The following S100Z variants were observed in gnomAD, a reference collection of about 807,000 sequenced individuals.
S100Z encodes the protein S100 calcium binding protein Z.
Under a neutral mutation model 8.5 loss-of-function variants are expected in S100Z, and 11 were observed. The observed-to-expected ratio is 1.30, with a 90% CI of 0.82 to 2.15. S100Z has a LOEUF of 2.15. Among genes scored for constraint, S100Z ranks in the 30% most tolerant of loss-of-function variants. S100Z has a pLI of 0.00. For missense variants in S100Z, 126 were observed against 117.9 expected, an observed-to-expected ratio of 1.07 and a Z score of -0.32; for synonymous variants, 34 against 43.8, an observed-to-expected ratio of 0.78 and a Z score of 0.89.
the S100Z span, among the ~76,000 whole-genome samples, chr5:76,934,656 C>A: frequency 1.2e-3 from 181 of 152,338 alleles, no homozygotes; most frequent in African/African-American, 3.8e-3. Context: ...GTCTCTTCCA[C>A]CATGTGAGGA....
the S100Z span, among the ~76,000 whole-genome samples, chr5:76,930,430 C>T: frequency 1.3e-5 from 2 of 152,178 alleles, no homozygotes; most frequent in Non-Finnish European, 2.9e-5. Flanking sequence ...CAGGACTGAA[C>T]TTAGGTCTCA....
intron 4 of S100Z, among the ~76,000 whole-genome samples, chr5:76,890,219 T>G (rs1175673501): frequency 1.3e-5 from 2 of 152,154 alleles, no homozygotes; most frequent in Non-Finnish European, 2.9e-5. Context: ...AGATGGGGTT[T>G]CACCATGTTG....
At chr5:76,888,913 C>G (rs1440068101) in intron 4 of S100Z, among the ~76,000 whole-genome samples, 1 of 152,224 alleles carries the variant, frequency 6.6e-6, no homozygotes, top group East Asian at 1.9e-4. Flanking sequence ...ATTCTCCCGC[C>G]TTTTTGCCCT....
intron 3 of S100Z, among the ~76,000 whole-genome samples, chr5:76,876,805 A>G (rs1344936291): frequency 1.3e-5 from 2 of 152,196 alleles, no homozygotes; most frequent in Non-Finnish European, 2.9e-5. Flanking sequence ...TTCTCTGACC[A>G]TTTAATGGTT....
chr5:76,885,760 A>G (rs1369890749), intron 4 of S100Z, among the ~76,000 whole-genome samples: 1 of 143,634 alleles, frequency 7.0e-6, no homozygotes, highest in Non-Finnish European at 1.5e-5. Flanking sequence ...AAAGTGGAGA[A>G]GGGATAGAGA....
At chr5:76,863,655 C>T (rs1751140942) in intron 1 of S100Z, among the ~76,000 whole-genome samples, 1 of 152,082 alleles carries the variant, frequency 6.6e-6, no homozygotes, top group South Asian at 2.1e-4. Flanking sequence ...TCTCCTGCCT[C>T]AGCCTCCCAA....
chr5:76,884,309 A>G (rs1162857164), intron 4 of S100Z, among the ~76,000 whole-genome samples: 2 of 152,052 alleles, frequency 1.3e-5, no homozygotes, highest in East Asian at 3.9e-4. Context: ...AAACCATGTA[A>G]TCTCGCCTAG....
intron 4 of S100Z, among the ~76,000 whole-genome samples, chr5:76,884,543 A>G (rs527502869): frequency 6.6e-6 from 1 of 152,276 alleles, no homozygotes; most frequent in Admixed American, 6.5e-5. Context: ...GAATTCCTGT[A>G]TATATTTAGT....
the S100Z span, among the ~76,000 whole-genome samples, chr5:76,935,100 T>G: frequency 6.6e-6 from 1 of 152,152 alleles, no homozygotes; most frequent in Non-Finnish European, 1.5e-5. Flanking sequence ...AAATGTAGCA[T>G]CTCAATGTCT....
At chr5:76,857,378 C>T (rs1750913018) in intron 1 of S100Z, among the ~76,000 whole-genome samples, 2 of 152,212 alleles carry the variant, frequency 1.3e-5, no homozygotes, top group South Asian at 4.1e-4. Context: ...AAATACAGCC[C>T]AGTAATATGA....
chr5:76,939,581 T>C, the S100Z span, among the ~76,000 whole-genome samples: 57 of 148,384 alleles, frequency 3.8e-4, no homozygotes, highest in East Asian at 0.011. Context: ...GGTGCGATCT[T>C]GGCTCACTGC....
chr5:76,858,530 A>G (rs548295700), intron 1 of S100Z, among the ~76,000 whole-genome samples: 2 of 152,230 alleles, frequency 1.3e-5, no homozygotes, highest in Non-Finnish European at 2.9e-5. Flanking sequence ...CTCAAAAAAA[A>G]AAAAAGGGGG....
At chr5:76,873,931 C>T (rs909586600) in intron 2 of S100Z, among the ~76,000 whole-genome samples, 2 of 152,100 alleles carry the variant, frequency 1.3e-5, no homozygotes, top group African/African-American at 4.8e-5. Context: ...AGGTTTATTT[C>T]AACTTTTTTA....
intron 3 of S100Z, among the ~76,000 whole-genome samples, chr5:76,876,978 G>T (rs771573127): frequency 2.6e-5 from 4 of 152,094 alleles, no homozygotes; most frequent in Admixed American, 6.6e-5. Flanking sequence ...TAAAATGCAG[G>T]CATCTTTATA....
chr5:76,927,197 A>G, the S100Z span, among the ~76,000 whole-genome samples: 1 of 152,244 alleles, frequency 6.6e-6, no homozygotes, highest in Non-Finnish European at 1.5e-5. Flanking sequence ...TGAATACCTC[A>G]GGTCCTTTCT....
At chr5:76,881,837 A>G (rs1161582452) in intron 4 of S100Z, among the ~76,000 whole-genome samples, 1 of 152,214 alleles carries the variant, frequency 6.6e-6, no homozygotes, top group Non-Finnish European at 1.5e-5. Context: ...CAGCATAAGC[A>G]TTGCCCTGAG....
At chr5:76,861,535 C>T (rs577555905) in intron 1 of S100Z, among the ~76,000 whole-genome samples, 7 of 152,242 alleles carry the variant, frequency 4.6e-5, no homozygotes, top group East Asian at 1.9e-4. Flanking sequence ...GACGGGGTTT[C>T]GCCATGTTGG....
chr5:76,920,234 G>T (rs1371308381), intron 4 of S100Z, among the ~76,000 whole-genome samples: 1 of 152,106 alleles, frequency 6.6e-6, no homozygotes, highest in Non-Finnish European at 1.5e-5. Flanking sequence ...AAATTGGGTG[G>T]TTTGTTTTCT....
At chr5:76,903,622 G>A (rs1314521948) in intron 4 of S100Z, among the ~76,000 whole-genome samples, 1 of 151,984 alleles carries the variant, frequency 6.6e-6, no homozygotes, top group African/African-American at 2.4e-5. Context: ...CTTTCTAATA[G>A]GTGTAAAGTG....
Sources: allele counts gnomAD v4.1 joint callset (sites outside exome capture counted in the v4.1 genomes callset), GRCh38; gene constraint gnomAD v4.1.1; transcripts MANE v1.5; gene names NCBI Gene and HGNC (gene_info 2026-07-23, HGNC 2026-07-21).